GMEB1: variants seen among roughly 807,000 people sequenced by gnomAD.
GMEB1 encodes glucocorticoid modulatory element-binding protein 1.
GMEB1 carries 6 observed loss-of-function variants against 52.4 expected under a neutral mutation model. The observed-to-expected ratio is 0.11, with a 90% confidence interval of 0.06 to 0.23. The LOEUF is 0.23. Among genes scored for constraint, GMEB1 ranks in the 10% least tolerant of loss-of-function variants. GMEB1 has a pLI of 1.00. For missense variants in GMEB1, 486 were observed against 685.6 expected, an observed-to-expected ratio of 0.71 and a Z score of 3.25; for synonymous variants, 255 against 244.9, an observed-to-expected ratio of 1.04 and a Z score of -0.38.
chr1:28,677,901 AG>A (rs1357736887), intron 1 of GMEB1, among the ~76,000 whole-genome samples: 1 of 151,928 alleles, frequency 6.6e-6, no homozygotes, highest in Non-Finnish European at 1.5e-5. Context: ...AAGGGAGAAG[AG>A]GCCGGGCATG....
At chr1:28,681,779 C>T (rs546496812) in intron 1 of GMEB1, among the ~76,000 whole-genome samples, 100 of 152,040 alleles carry the variant, frequency 6.6e-4, no homozygotes, top group African/African-American at 2.2e-3. Context: ...CTCGGCTCAC[C>T]GCAATCTCCA....
intron 1 of GMEB1, among the ~76,000 whole-genome samples, 196 bp downstream of exon 1, chr1:28,669,035 G>C (rs944151843): frequency 5.5e-5 from 8 of 145,748 alleles, no homozygotes; most frequent in Non-Finnish European, 1.2e-4. Context: ...GCGGCGCCGC[G>C]GGGGGGTGGG....
intron 1 of GMEB1, among the ~76,000 whole-genome samples, chr1:28,669,645 C>A (rs1668793016): frequency 6.6e-6 from 1 of 151,972 alleles, no homozygotes; most frequent in Admixed American, 6.6e-5. Flanking sequence ...CTAGAGCCTC[C>A]TGAAGTACGA....
intron 1 of GMEB1, among the ~76,000 whole-genome samples, chr1:28,670,620 G>T (rs922330497): frequency 4.6e-5 from 7 of 152,042 alleles, no homozygotes; most frequent in African/African-American, 1.7e-4. Flanking sequence ...GAATCACTGC[G>T]CCTGGCCCAA....
intron 1 of GMEB1, among the ~76,000 whole-genome samples, chr1:28,673,590 A>C (rs539729072): frequency 9.2e-5 from 14 of 152,194 alleles, no homozygotes; most frequent in Non-Finnish European, 1.9e-4. Context: ...GCATCTTGCC[A>C]CATTATAGAC....
intron 9 of GMEB1, among the ~76,000 whole-genome samples, chr1:28,712,595 C>T (rs1045119344): frequency 1.7e-4 from 26 of 151,850 alleles, no homozygotes; most frequent in African/African-American, 5.1e-4. Flanking sequence ...CCGAGGTGGG[C>T]GGATCATGAG....
chr1:28,686,579 A>T (rs1669653076), intron 2 of GMEB1, among the ~76,000 whole-genome samples: 1 of 146,052 alleles, frequency 6.8e-6, no homozygotes, highest in Admixed American at 7.0e-5. Flanking sequence ...CAGTGAGCCG[A>T]GATTGCACTA....
At chr1:28,708,378 AT>A (rs1670879902) in intron 8 of GMEB1, among the ~76,000 whole-genome samples, 2 of 151,020 alleles carry the variant, frequency 1.3e-5, no homozygotes, top group African/African-American at 2.4e-5. Context: ...GTTAGCCAGG[AT>A]GGTCTCGATC....
At chr1:28,678,029 C>G (rs1294272996) in intron 1 of GMEB1, among the ~76,000 whole-genome samples, 1 of 151,766 alleles carries the variant, frequency 6.6e-6, no homozygotes, top group Non-Finnish European at 1.5e-5. Context: ...ACTAAAAATA[C>G]AAAAATTAGC....
rs536729337 is a variant in GMEB1, at chr1:28,709,511, A to G, written c.869-1009A>G. Among the ~76,000 whole-genome samples, 23 of 152,222 alleles carry G rather than the reference A, an allele frequency of 1.5e-4. No homozygotes were observed. In the East Asian group the frequency reaches 3.1e-3, roughly 20 times the overall value. ...CAAAACTGAGATGAACGTTAACTCT[A>G]TCTAGTACAGGGACCATGTTTTCAA... On this transcript the variant is annotated intron_variant, in intron 8 of 9. Transcript: ENST00000373816.
In GMEB1 at chr1:28,704,325, C is replaced by G; in HGVS notation, c.864C>G (p.Val288=). The G allele has an allele frequency of 6.2e-7, 1 of 1,611,376 alleles. No homozygotes were observed. The highest frequency in any genetic ancestry group is 8.5e-7 in the Non-Finnish European group (1 of 1,178,736). ...QQRLIQAPFQ[V]TDAAVLNNVA... The stretch of plus-strand genomic sequence containing the variant: ...GGCTCATCCAGGCTCCCTTCCAAGT[C>G]ACAGGTAAGTGCACTAATCCTAACA... The change falls in exon 8 of 10, where the codon GTC becomes GTG. Residue 288 remains valine, a synonymous_variant. Coordinates refer to ENST00000373816, the MANE Select transcript of GMEB1 (RefSeq NM_001319674.2).
At chr1:28,681,810 C>T (rs935512634) in intron 1 of GMEB1, among the ~76,000 whole-genome samples, 1 of 152,044 alleles carries the variant, frequency 6.6e-6, no homozygotes, top group Non-Finnish European at 1.5e-5. Flanking sequence ...TCAAGCGATT[C>T]TCCTGCCTCA....
At position 28,687,935 on chromosome 1, in the gene GMEB1, A is replaced by T. The variant is rs528597315; in HGVS notation, c.129-2169A>T. 7.2e-5 allele frequency among the ~76,000 whole-genome samples: 11 copies of T among 152,142 alleles called. No individual in the cohort carries two copies. The South Asian group carries it at 2.1e-3, about 29-fold the overall frequency. On this transcript the variant is annotated intron_variant, in intron 2 of 9. Coordinates refer to ENST00000373816, the MANE Select transcript of GMEB1 (RefSeq NM_001319674.2). ...AGTTTGAGGGTGGGTGGGAAAAGGG[A>T]ACTTGATGGTTATTTTAGACATAAC...
At chr1:28,670,828 G>A (rs1348369342) in intron 1 of GMEB1, among the ~76,000 whole-genome samples, 1 of 152,108 alleles carries the variant, frequency 6.6e-6, no homozygotes, top group Non-Finnish European at 1.5e-5. Context: ...TTATATCAAG[G>A]ATGTATATTT....
At chr1:28,682,729 T>G (rs1181936670) in intron 1 of GMEB1, among the ~76,000 whole-genome samples, 1 of 151,740 alleles carries the variant, frequency 6.6e-6, no homozygotes, top group Non-Finnish European at 1.5e-5. Context: ...CTCAGTTCAG[T>G]CTCCCTCCAC....
At chr1:28,713,953 A>G in intron 9 of GMEB1, 120 bp from the exon 10 acceptor site, 2 of 723,850 alleles carry the variant, frequency 2.8e-6, no homozygotes, top group South Asian at 3.5e-5. Context: ...ACAATGTCAC[A>G]ACTTGCCTGA....
At chr1:28,692,616 C>T (rs1670019567) in intron 4 of GMEB1, among the ~76,000 whole-genome samples, 1 of 151,952 alleles carries the variant, frequency 6.6e-6, no homozygotes, top group South Asian at 2.1e-4. Context: ...TTCATTAGGG[C>T]TGGATAGATT....
At chr1:28,685,517 T>G (rs539491365) in intron 2 of GMEB1, among the ~76,000 whole-genome samples, 1 of 152,308 alleles carries the variant, frequency 6.6e-6, no homozygotes, top group South Asian at 2.1e-4. Context: ...GTAAACATAA[T>G]GATGATTCGT....
chr1:28,699,306 C>T (rs976565192), intron 6 of GMEB1, among the ~76,000 whole-genome samples: 1 of 152,116 alleles, frequency 6.6e-6, no homozygotes, highest in African/African-American at 2.4e-5. Context: ...CAGCTGGAGA[C>T]TTACTATATA....
Sources: allele counts gnomAD v4.1 joint callset (sites outside exome capture counted in the v4.1 genomes callset), GRCh38; gene constraint gnomAD v4.1.1; transcripts MANE v1.5; gene names NCBI Gene and HGNC (gene_info 2026-07-23, HGNC 2026-07-21).